RPS6KA2: variants seen among roughly 807,000 people sequenced by gnomAD.
RPS6KA2 encodes the protein ribosomal protein S6 kinase A2.
In RPS6KA2, 42 loss-of-function variants were observed where a neutral mutation model predicts 91.8. The ratio of observed to expected loss-of-function variants is 0.46; its 90% CI spans 0.36 to 0.59. The LOEUF (loss-of-function observed/expected upper bound fraction) is 0.59. Among genes scored for constraint, RPS6KA2 ranks in the 20% least tolerant of loss-of-function variants. The pLI, the probability that RPS6KA2 is intolerant of heterozygous loss-of-function variation, is 0.00. For missense variants in RPS6KA2, 798 were observed against 978.5 expected, an observed-to-expected ratio of 0.82 and a Z score of 2.46; for synonymous variants, 414 against 393.6, an observed-to-expected ratio of 1.05 and a Z score of -0.61.
At chr6:166,783,532 C>T (rs1009070731) in intron 2 of RPS6KA2, among the ~76,000 whole-genome samples, 7 of 152,042 alleles carry the variant, frequency 4.6e-5, no homozygotes, top group African/African-American at 1.7e-4. Context: ...GATATAGATA[C>T]AAATGACATA....
chr6:166,658,506 G>A (rs1485605761), intron 2 of RPS6KA2, among the ~76,000 whole-genome samples: 1 of 152,194 alleles, frequency 6.6e-6, no homozygotes, highest in Non-Finnish European at 1.5e-5. Flanking sequence ...GCAGGGGTGG[G>A]ACAGCATCGG....
At chr6:166,629,350 G>A (rs147329751), upstream of RPS6KA2, among the ~76,000 whole-genome samples, 1 of 152,326 alleles carries the variant, frequency 6.6e-6, no homozygotes, top group Non-Finnish European at 1.5e-5. Context: ...GACCTGATCT[G>A]ACAAAATTGG....
At chr6:166,449,789 T>TGGGAGCCACCAC (rs1562500599) in intron 13 of RPS6KA2, among the ~76,000 whole-genome samples, 1 of 114,252 alleles carries the variant, frequency 8.8e-6, no homozygotes, top group African/African-American at 3.1e-5. Flanking sequence ...GGGACCACCA[T>TGGGAGCCACCAC]GGGAGCCACC....
intron 2 of RPS6KA2, among the ~76,000 whole-genome samples, chr6:166,824,480 T>C (rs909217369): frequency 6.6e-6 from 1 of 152,212 alleles, no homozygotes; most frequent in African/African-American, 2.4e-5. Flanking sequence ...AAAAGGAAAC[T>C]TGAATATTTA....
chr6:166,806,806 A>T (rs845667), intron 2 of RPS6KA2, among the ~76,000 whole-genome samples: 87,959 of 152,082 alleles, frequency 0.58, 25,768 homozygotes, highest in East Asian at 0.65. Flanking sequence ...TTAAAAAAAA[A>T]ATTAGTTTAT....
chr6:166,463,465 C>T (rs1780401585), intron 11 of RPS6KA2: 1 of 152,222 alleles, frequency 6.6e-6, no homozygotes, highest in Admixed American at 6.5e-5. Flanking sequence ...AAAATCATCT[C>T]ATTTGTCCCA....
Position 166,787,354 on chromosome 6 carries a change from A to T in RPS6KA2, c.123+70846T>A, listed in dbSNP as rs4710098. Among the ~76,000 whole-genome samples, 4,896 of 152,258 alleles carry T rather than the reference A, an allele frequency of 0.032. 496 individuals are homozygous for T. The East Asian group carries it at 0.38, about 12-fold the overall frequency. On this transcript the variant is annotated intron_variant, in intron 2 of 21. Transcript: ENST00000503859. Reference sequence around the variant, plus strand: ...AAGTGTTTTGGGGAAAAGTTATGAAATGTTAAGAGAATATTATAAAAAGTA... The same window carrying T: ...AAGTGTTTTGGGGAAAAGTTATGAATTGTTAAGAGAATATTATAAAAAGTA...
At chr6:166,581,016 C>T (rs1784992363) in intron 1 of RPS6KA2, among the ~76,000 whole-genome samples, 1 of 152,216 alleles carries the variant, frequency 6.6e-6, no homozygotes, top group African/African-American at 2.4e-5. Flanking sequence ...ATTCTCCTGC[C>T]TCAGCTTCCC....
intron 2 of RPS6KA2, among the ~76,000 whole-genome samples, chr6:166,649,776 C>T (rs1276603696): frequency 6.6e-6 from 1 of 152,140 alleles, no homozygotes; most frequent in Admixed American, 6.5e-5. Flanking sequence ...CCACATCAAG[C>T]AGGTGAGCTG....
intron 2 of RPS6KA2, among the ~76,000 whole-genome samples, chr6:166,853,829 G>T: frequency 6.6e-6 from 1 of 152,230 alleles, no homozygotes; most frequent in Admixed American, 6.5e-5. Flanking sequence ...CCTCATGGAG[G>T]CGCTCTCAGC....
chr6:166,420,258 G>A (rs563878099), intron 17 of RPS6KA2, among the ~76,000 whole-genome samples: 4 of 152,302 alleles, frequency 2.6e-5, no homozygotes, highest in African/African-American at 4.8e-5. Context: ...AAATATGTAT[G>A]ACATAAAATT....
chr6:166,783,888 T>C (rs1287822833), intron 2 of RPS6KA2, among the ~76,000 whole-genome samples: 7 of 86,698 alleles, frequency 8.1e-5, no homozygotes, highest in Non-Finnish European at 1.4e-4. Context: ...TCACCACATA[T>C]GCACACGTGC....
chr6:166,452,694 T>C (rs1394719216), intron 12 of RPS6KA2, among the ~76,000 whole-genome samples: 1 of 151,946 alleles, frequency 6.6e-6, no homozygotes, highest in Non-Finnish European at 1.5e-5. Flanking sequence ...AACAAAAACT[T>C]TGTGGGGAAA....
In RPS6KA2 at chr6:166,790,842, C is replaced by T. The variant is rs4710101; in HGVS notation, c.123+67358G>A. 0.032 allele frequency among the ~76,000 whole-genome samples: 4,892 copies of T among 152,168 alleles called. 495 individuals are homozygous for T. In the East Asian group the frequency reaches 0.38, roughly 12 times the overall value. ...AGATTTTGTCACCACCAGGCCTGCC[C>T]TAAAAGAGCTCCTGAAGGAAGCACT... On this transcript the variant is annotated intron_variant, in intron 2 of 21. Transcript: ENST00000503859.
chr6:166,699,897 C>T (rs1408885898), intron 2 of RPS6KA2, among the ~76,000 whole-genome samples: 1 of 152,130 alleles, frequency 6.6e-6, no homozygotes, highest in Non-Finnish European at 1.5e-5. Context: ...TTCAAAATAG[C>T]TTAGTGAGGC....
intron 2 of RPS6KA2, among the ~76,000 whole-genome samples, chr6:166,680,102 GT>G (rs1788745338): frequency 6.6e-6 from 1 of 151,936 alleles, no homozygotes; most frequent in South Asian, 2.1e-4. Flanking sequence ...CTAGCTAACG[GT>G]TTGTAAACGT....
chr6:166,504,742 G>GC lies in RPS6KA2; in HGVS notation c.460-131dup, dbSNP rs376394911. Reference sequence around the variant, plus strand: ...TCAGTTTGCTCTGTGGAACGCTATGGCCCCCCAGAGTGGTCTTCTGACTCT... The same window carrying GC: ...TCAGTTTGCTCTGTGGAACGCTATGGCCCCCCCAGAGTGGTCTTCTGACTCT... On this transcript the variant is annotated intron_variant, in intron 5 of 20. Transcript: ENST00000265678. 362 of 605,662 alleles carry GC rather than the reference G, an allele frequency of 6.0e-4. 1 individual carries two copies. In the African/African-American group the frequency reaches 6.3e-3, roughly 11 times the overall value. The allele number at this position is 605,662 out of a possible 1,614,324, so 37.5% of individuals were successfully genotyped here.
chr6:166,485,376 G>A (rs1583194019), intron 10 of RPS6KA2, among the ~76,000 whole-genome samples: 1 of 152,320 alleles, frequency 6.6e-6, no homozygotes, highest in East Asian at 1.9e-4. Context: ...TCGATTCTAA[G>A]GCAGGCGTGT....
chr6:166,787,705 C>A (rs1158370294), intron 2 of RPS6KA2, among the ~76,000 whole-genome samples: 1 of 151,970 alleles, frequency 6.6e-6, no homozygotes, highest in Non-Finnish European at 1.5e-5. Context: ...ATGTAAAACC[C>A]AAAGCCATAA....
Sources: allele counts gnomAD v4.1 joint callset (sites outside exome capture counted in the v4.1 genomes callset), GRCh38; gene constraint gnomAD v4.1.1; transcripts MANE v1.5; gene names NCBI Gene and HGNC (gene_info 2026-07-23, HGNC 2026-07-21).